The following ZCCHC4 variants were observed in gnomAD, a reference collection of about 807,000 sequenced individuals.
ZCCHC4 encodes zinc finger CCHC-type containing 4.
A neutral mutation model predicts 67.7 loss-of-function variants in ZCCHC4; 54 were observed. The ratio of observed to expected loss-of-function variants is 0.80; its 90% CI spans 0.64 to 1.00. The LOEUF is 1.00. Among genes scored for constraint, ZCCHC4 ranks in the 50% least tolerant of loss-of-function variants. ZCCHC4 has a pLI of 0.00. For synonymous variants in ZCCHC4, 198 were observed against 213.5 expected, an observed-to-expected ratio of 0.93 and a Z score of 0.63; for missense variants, 609 against 617.0, an observed-to-expected ratio of 0.99 and a Z score of 0.14.
intron 10 of ZCCHC4, among the ~76,000 whole-genome samples, chr4:25,363,950 C>T (rs79022128): frequency 0.027 from 4,034 of 152,156 alleles, 82 homozygotes; most frequent in Middle Eastern, 0.054. Context: ...GGGTTTTATC[C>T]GTGTTTGCTT....
intron 3 of ZCCHC4, among the ~76,000 whole-genome samples, chr4:25,320,171 C>T (rs1346918616): frequency 1.3e-5 from 2 of 151,784 alleles, no homozygotes; most frequent in African/African-American, 4.8e-5. Flanking sequence ...ACATTTTGTG[C>T]CTGAGATTTG....
At chr4:25,329,607 T>G (rs933071906) in intron 3 of ZCCHC4, among the ~76,000 whole-genome samples, 1 of 149,946 alleles carries the variant, frequency 6.7e-6, no homozygotes, top group Admixed American at 6.7e-5. Context: ...TGATCTCGGC[T>G]CACTGCAACC....
intron 8 of ZCCHC4, among the ~76,000 whole-genome samples, chr4:25,357,479 G>A (rs1476659631): frequency 6.6e-6 from 1 of 152,090 alleles, no homozygotes; most frequent in Non-Finnish European, 1.5e-5. Flanking sequence ...AAACCCTTAG[G>A]GGCTTTTCCA....
At chr4:25,314,757 G>A (rs1371942532) in intron 2 of ZCCHC4, among the ~76,000 whole-genome samples, 1 of 152,042 alleles carries the variant, frequency 6.6e-6, no homozygotes, top group Non-Finnish European at 1.5e-5. Context: ...GAATTTTAGG[G>A]GGCACAAACA....
chr4:25,314,045 G>GGACCCACTCTTCTGTTTGTAAAGGT lies in ZCCHC4; in HGVS notation c.134_158dup (p.Gln53HisfsTer24). 7.1e-7 allele frequency: 1 copy of GGACCCACTCTTCTGTTTGTAAAGGT among 1,401,690 alleles called. No individual in the cohort carries two copies. The highest frequency in any genetic ancestry group is 9.9e-7 in the Non-Finnish European group (1 of 1,011,004). The allele number at this position is 1,401,690 out of a possible 1,614,324, so 86.8% of individuals were successfully genotyped here. ...TTTTTTTTTTTCTATTCTGGAACTA[G>GGACCCACTCTTCTGTTTGTAAAGGT]GACCCACTCTTCTGTTTGTAAAGGT... On this transcript the variant is annotated frameshift_variant and splice_region_variant. Transcript: ENST00000302874. LOFTEE classifies it high-confidence loss of function.
chr4:25,340,043 T>C (rs147228101), intron 5 of ZCCHC4, among the ~76,000 whole-genome samples: 6,175 of 152,164 alleles, frequency 0.041, 147 homozygotes, highest in African/African-American at 0.063. Context: ...TAATTTTTTA[T>C]ATTTTTAGTA....
At chr4:25,322,006 G>A (rs566983368) in intron 3 of ZCCHC4, among the ~76,000 whole-genome samples, 1 of 152,256 alleles carries the variant, frequency 6.6e-6, no homozygotes, top group South Asian at 2.1e-4. Context: ...AAGTTTTCAC[G>A]AGGTCTGAAC....
At chr4:25,365,709 C>G in intron 12 of ZCCHC4, 2 of 984,870 alleles carry the variant, frequency 2.0e-6, no homozygotes, top group Non-Finnish European at 2.4e-6. Context: ...ATTTTCACAT[C>G]TCTCACCAAT....
Position 25,362,021 on chromosome 4 carries a change from A to C in ZCCHC4, c.1133+41A>C. On this transcript the variant is annotated intron_variant, in intron 9 of 12. Coordinates refer to ENST00000302874, the MANE Select transcript of ZCCHC4 (RefSeq NM_024936.3). ...AACTTTGAAGTACACAAGTCACTGA[A>C]AATAAAGTTACATATATCCATCAGT... 1.3e-6 allele frequency: 2 copies of C among 1,587,276 alleles called. 1 individual carries two copies. Among genetic ancestry groups the C allele is most frequent in the Middle Eastern group, 3.4e-4 (2 of 5,940 alleles).
chr4:25,340,655 C>T (rs1030391237), intron 5 of ZCCHC4, among the ~76,000 whole-genome samples: 3 of 152,098 alleles, frequency 2.0e-5, no homozygotes, highest in Non-Finnish European at 4.4e-5. Flanking sequence ...TTTAGATCTT[C>T]AATTTCTTTA....
chr4:25,337,867 A>G (rs1719536496), intron 5 of ZCCHC4, among the ~76,000 whole-genome samples: 1 of 152,088 alleles, frequency 6.6e-6, no homozygotes, highest in Non-Finnish European at 1.5e-5. Context: ...TTTTTAGTGG[A>G]CTTACTTACA....
chr4:25,343,797 C>T (rs1252985850), intron 5 of ZCCHC4, among the ~76,000 whole-genome samples: 1 of 152,186 alleles, frequency 6.6e-6, no homozygotes, highest in Non-Finnish European at 1.5e-5. Flanking sequence ...CAGTTACAGA[C>T]AGTAATGGGT....
At chr4:25,357,225 T>C (rs1374647477) in intron 8 of ZCCHC4, among the ~76,000 whole-genome samples, 1 of 152,210 alleles carries the variant, frequency 6.6e-6, no homozygotes, top group Admixed American at 6.5e-5. Context: ...TCATCTCTTT[T>C]CTGGATAAAC....
intron 3 of ZCCHC4, among the ~76,000 whole-genome samples, chr4:25,321,212 C>G (rs1718567414): frequency 6.6e-6 from 1 of 151,864 alleles, no homozygotes; most frequent in Admixed American, 6.6e-5. Flanking sequence ...CTTGCTGCCG[C>G]TCTTTCTTCC....
intron 10 of ZCCHC4, among the ~76,000 whole-genome samples, chr4:25,362,916 CT>C (rs1480105080): frequency 1.3e-5 from 2 of 152,128 alleles, no homozygotes; most frequent in Non-Finnish European, 2.9e-5. Flanking sequence ...GAGATTCCCC[CT>C]ATGTCCCCTG....
chr4:25,336,912 G>T (rs1719489017), intron 5 of ZCCHC4, among the ~76,000 whole-genome samples: 1 of 152,200 alleles, frequency 6.6e-6, no homozygotes, highest in Non-Finnish European at 1.5e-5. Context: ...GAGGCATAAA[G>T]AGGTTAAATA....
intron 10 of ZCCHC4, 96 bp from the exon 11 acceptor site, chr4:25,364,358 C>T: frequency 2.1e-6 from 2 of 955,250 alleles, no homozygotes; most frequent in Non-Finnish European, 2.9e-6. Flanking sequence ...GAATAATTTA[C>T]ACAGATTTTA....
rs746142103 is a variant in ZCCHC4, at chr4:25,312,911, C to T, written c.102C>T (p.Ala34=). 1.2e-6 allele frequency: 2 copies of T among 1,612,550 alleles called. No individual in the cohort carries two copies. The highest frequency in any genetic ancestry group is 1.3e-5 in the African/African-American group (1 of 74,842). The part of the protein sequence containing the change: ...GMEVVLPLDP[A]VPAPLCPHGP... ...AGGTGGTGCTTCCTTTGGATCCTGC[C>T]GTCCCCGCCCCGCTGTGCCCTCACG... The change falls in exon 1 of 13, where the codon GCC becomes GCT. Residue 34 remains alanine, a synonymous_variant. Transcript: ENST00000302874.
Position 25,364,436 on chromosome 4 carries a change from TG to T in ZCCHC4, c.1210-17del, listed in dbSNP as rs781634141. ...AACAAATTAATTATAATTTAAAAAT[TG>T]TTTTTTTTTTTGGTAGGATGGCAGG... On this transcript the variant is annotated splice_polypyrimidine_tract_variant and intron_variant, in intron 10 of 12. Coordinates refer to ENST00000302874, the MANE Select transcript of ZCCHC4 (RefSeq NM_024936.3). 19 of 1,481,328 alleles carry T rather than the reference TG, an allele frequency of 1.3e-5. No individual in the cohort carries two copies. Among genetic ancestry groups the T allele is most frequent in the Admixed American group, 2.3e-5 (1 of 42,750 alleles). 91.8% of individuals were successfully genotyped at this position (1,481,328 alleles called of 1,614,324 possible). A position where few individuals can be genotyped will look rare whatever the true frequency, so the allele number is the denominator to read the frequency against.
Sources: allele counts gnomAD v4.1 joint callset (sites outside exome capture counted in the v4.1 genomes callset), GRCh38; gene constraint gnomAD v4.1.1; transcripts MANE v1.5; gene names NCBI Gene and HGNC (gene_info 2026-07-23, HGNC 2026-07-21).